The following TMX4 variants were observed in gnomAD, a reference collection of about 807,000 sequenced individuals.
The protein encoded by TMX4 is thioredoxin related transmembrane protein 4.
A neutral mutation model predicts 33.3 loss-of-function variants in TMX4; 23 were observed. The ratio of observed to expected loss-of-function variants is 0.69; its 90% confidence interval spans 0.50 to 0.98. The LOEUF (loss-of-function observed/expected upper bound fraction) is 0.98, where lower values mean the gene tolerates loss of function less well. TMX4 is among the 50% of genes least tolerant of loss of function. The pLI, the probability that TMX4 is intolerant of heterozygous loss-of-function variation, is 0.00. For synonymous variants in TMX4, 164 were observed against 161.5 expected (o/e 1.02, Z -0.12); for missense variants, 399 against 448.9 (o/e 0.89, Z 1.01).
intron 1 of TMX4, among the ~76,000 whole-genome samples, chr20:8,011,090 T>A (rs2050751074): frequency 6.6e-6 from 1 of 152,092 alleles, no homozygotes; most frequent in South Asian, 2.1e-4. Flanking sequence ...GTTTAAAATT[T>A]TTCATAATAA....
intron 1 of TMX4, chr20:8,019,036 G>C (rs756339225): frequency 6.7e-6 from 3 of 449,868 alleles, no homozygotes; most frequent in South Asian, 4.8e-5. Flanking sequence ...ATACATATCT[G>C]TATCTAAAAG....
intron 3 of TMX4, among the ~76,000 whole-genome samples, chr20:8,000,243 G>A (rs1176599720): frequency 1.3e-5 from 2 of 151,882 alleles, no homozygotes; most frequent in African/African-American, 4.8e-5. Context: ...GTCGTTCAAG[G>A]CCCTCTCCTC....
intron 2 of TMX4, among the ~76,000 whole-genome samples, chr20:8,008,382 A>G (rs958532964): frequency 2.6e-5 from 4 of 152,144 alleles, no homozygotes; most frequent in South Asian, 2.1e-4. Context: ...TCAAGTATAT[A>G]TATTTCAGAT....
chr20:7,995,714 G>A (rs1176720783), intron 5 of TMX4, among the ~76,000 whole-genome samples: 2 of 151,950 alleles, frequency 1.3e-5, no homozygotes, highest in African/African-American at 4.8e-5. Context: ...TTCCTTTGTA[G>A]GGAGATATGC....
intron 4 of TMX4, 129 bp from the exon 5 acceptor site, chr20:7,996,200 ATCTG>A: frequency 1.5e-6 from 1 of 673,424 alleles, no homozygotes; most frequent in African/African-American, 1.8e-5. Context: ...CCAGATTCAT[ATCTG>A]TTCTTACAGA....
chr20:7,991,834 G>GA (rs11087787), intron 5 of TMX4, among the ~76,000 whole-genome samples: 37,441 of 145,896 alleles, frequency 0.26, 7,770 homozygotes, highest in East Asian at 0.59. Context: ...TCTATGGCTG[G>GA]AAAAAAAAAA....
At chr20:7,984,293 AG>A (rs559084826) in intron 6 of TMX4, among the ~76,000 whole-genome samples, 85 of 152,320 alleles carry the variant, frequency 5.6e-4, no homozygotes, top group Non-Finnish European at 1.0e-3. Flanking sequence ...ATGACTTTGA[AG>A]GAGGAGGCAT....
intron 1 of TMX4, among the ~76,000 whole-genome samples, chr20:8,011,314 A>C (rs1488570582): frequency 6.6e-6 from 1 of 152,014 alleles, no homozygotes; most frequent in Non-Finnish European, 1.5e-5. Flanking sequence ...TATAACACTC[A>C]CACACACAAA....
intron 2 of TMX4, among the ~76,000 whole-genome samples, chr20:8,002,306 A>G (rs2050710783): frequency 6.6e-6 from 1 of 152,232 alleles, no homozygotes; most frequent in Non-Finnish European, 1.5e-5. Flanking sequence ...AAAAACATGT[A>G]CAACCTTTAT....
rs1461185862 is a variant in TMX4, at chr20:7,981,982, C to T, written c.*269G>A. Reference sequence around the variant, plus strand: ...GGAATGGCCTCCTCTGGTCGAGACTCTCTGACCCCTAAGTAAATGAACTTG... The same window carrying T: ...GGAATGGCCTCCTCTGGTCGAGACTTTCTGACCCCTAAGTAAATGAACTTG... On this transcript the variant is annotated 3_prime_UTR_variant, in exon 8 of 8. Coordinates refer to ENST00000246024, the MANE Select transcript of TMX4 (RefSeq NM_021156.4). 5.1e-6 allele frequency: 2 copies of T among 392,022 alleles called. No homozygotes were observed. Among genetic ancestry groups the T allele is most frequent in the Non-Finnish European group, 9.2e-6 (2 of 218,330 alleles). The allele number at this position is 392,022 out of a possible 1,614,324, so 24.3% of individuals were successfully genotyped here. A position where few individuals can be genotyped will look rare whatever the true frequency, so the allele number is the denominator to read the frequency against.
Position 8,010,185 on chromosome 20 carries a change from C to T in TMX4, c.292+15G>A. On this transcript the variant is annotated intron_variant, in intron 2 of 7. Coordinates refer to ENST00000246024, the MANE Select transcript of TMX4 (RefSeq NM_021156.4). Reference sequence around the variant, plus strand: ...TCGGTAAACTTTTGCATTTTATGTGCAACATTCACAGTACCTGGTTCTTGA... The same window carrying T: ...TCGGTAAACTTTTGCATTTTATGTGTAACATTCACAGTACCTGGTTCTTGA... 1 of 1,572,716 alleles carries T rather than the reference C, an allele frequency of 6.4e-7. No homozygotes were observed. Among genetic ancestry groups the T allele is most frequent in the Non-Finnish European group, 8.7e-7 (1 of 1,155,366 alleles).
chr20:7,995,245 T>G (rs76957949), intron 5 of TMX4, among the ~76,000 whole-genome samples: 2,085 of 152,276 alleles, frequency 0.014, 55 homozygotes, highest in East Asian at 0.065. Context: ...AAGACATATA[T>G]AGGGAGACTC....
chr20:7,984,866 T>A (rs937158917), intron 6 of TMX4, among the ~76,000 whole-genome samples: 3 of 151,802 alleles, frequency 2.0e-5, no homozygotes, highest in Non-Finnish European at 2.9e-5. Flanking sequence ...AAAAAAAAAA[T>A]TTGGATCCTA....
At chr20:7,993,355 T>G (rs1240915987) in intron 5 of TMX4, among the ~76,000 whole-genome samples, 1 of 152,206 alleles carries the variant, frequency 6.6e-6, no homozygotes, top group African/African-American at 2.4e-5. Context: ...GATCTAGACA[T>G]GAGTTAAAAA....
In TMX4 at chr20:8,004,107, C is replaced by T. The variant is rs186587070; in HGVS notation, c.293-2566G>A. On this transcript the variant is annotated intron_variant, in intron 2 of 7. Coordinates refer to ENST00000246024, the MANE Select transcript of TMX4 (RefSeq NM_021156.4). ...CTACTAAATCCCTGTAGATCCAACA[C>T]CATAAGAAATTCATCTCAAAAAAAA... Among the ~76,000 whole-genome samples the T allele has an allele frequency of 4.0e-4, 61 of 151,436 alleles. No individual in the cohort carries two copies. The East Asian group carries it at 4.1e-3, about 10-fold the overall frequency.
chr20:7,978,224 C>T lies in TMX4; in HGVS notation c.*4027G>A, dbSNP rs955689843. On this transcript the variant is annotated 3_prime_UTR_variant, in exon 8 of 8. Coordinates refer to ENST00000246024, the MANE Select transcript of TMX4 (RefSeq NM_021156.4). Reference sequence around the variant, plus strand: ...GACACAGATAACCTATTGATACGAGCAACAGAACCAGCCTCCCTCTTCTTT... The same window carrying T: ...GACACAGATAACCTATTGATACGAGTAACAGAACCAGCCTCCCTCTTCTTT... 4 of 152,322 alleles carry T rather than the reference C, an allele frequency of 2.6e-5. No homozygotes were observed. Among genetic ancestry groups the T allele is most frequent in the African/African-American group, 9.6e-5 (4 of 41,578 alleles). 9.4% of individuals were successfully genotyped at this position (152,322 alleles called of 1,614,324 possible). A position where few individuals can be genotyped will look rare whatever the true frequency, so the allele number is the denominator to read the frequency against.
Position 7,985,257 on chromosome 20 carries a change from GTA to G in TMX4, c.616-1402_616-1401del, listed in dbSNP as rs200269653. ...TGTGTGTATATATATGTGTGTGTGT[GTA>G]TATATATATATATATATATTTTTTT... is the stretch of plus-strand genomic sequence containing the variant. On this transcript the variant is annotated intron_variant, in intron 6 of 7. Transcript: ENST00000246024. 5.8e-3 allele frequency among the ~76,000 whole-genome samples: 752 copies of G among 130,758 alleles called. 13 individuals carry two copies. The highest frequency in any genetic ancestry group is 0.018 in the African/African-American group (622 of 35,276). 85.8% of individuals were successfully genotyped at this position (130,758 alleles called of 152,430 possible). A position where few individuals can be genotyped will look rare whatever the true frequency, so the allele number is the denominator to read the frequency against.
intron 1 of TMX4, among the ~76,000 whole-genome samples, chr20:8,016,414 AT>A (rs1280888187): frequency 6.6e-6 from 1 of 152,250 alleles, no homozygotes; most frequent in East Asian, 1.9e-4. Context: ...ATTAAAGAAA[AT>A]GTATGTAGCA....
At chr20:7,982,767 T>G in intron 7 of TMX4, 146 bp from the exon 8 acceptor site, 1 of 929,224 alleles carries the variant, frequency 1.1e-6, no homozygotes, top group Non-Finnish European at 1.6e-6. Flanking sequence ...ACAGATTCTC[T>G]GGTTGGCATC....
Sources: gnomAD v4.1 joint callset for allele counts (sites outside exome capture counted in the v4.1 genomes callset) on GRCh38, gnomAD v4.1.1 for gene constraint, MANE v1.5 for transcripts, NCBI Gene and HGNC (gene_info 2026-07-23, HGNC 2026-07-21) for gene names.